Variants in ANKRD26 observed in about 807,000 individuals in gnomAD.
ANKRD26 encodes the protein ankyrin repeat domain-containing protein 26.
ANKRD26 carries 141 observed loss-of-function variants against 208.7 expected under a neutral mutation model. The ratio of observed to expected loss-of-function variants is 0.68; its 90% CI spans 0.59 to 0.78. ANKRD26 has a LOEUF of 0.78. Among genes scored for constraint, ANKRD26 ranks in the 30% least tolerant of loss-of-function variants. ANKRD26 has a pLI of 0.00. For synonymous variants in ANKRD26, 636 were observed against 660.4 expected (o/e 0.96, Z 0.57); for missense variants, 1,889 against 1,938.7 (o/e 0.97, Z 0.48).
At chr10:27,096,448 G>T (rs2056467234) in intron 1 of ANKRD26, among the ~76,000 whole-genome samples, 1 of 152,164 alleles carries the variant, frequency 6.6e-6, no homozygotes, top group Non-Finnish European at 1.5e-5. Context: ...AATTTGCATA[G>T]AAGTAAAATC....
In ANKRD26 at chr10:27,077,279, T is replaced by C. The variant is rs1439014467; in HGVS notation, c.1077+59A>G. On this transcript the variant is annotated intron_variant, in intron 9 of 33. Transcript: ENST00000376087. ...GATCATCTCAATAGATGCATCATTA[T>C]GAGGATTGTTGGGGCAGGGGAAGGG... 2.2e-5 allele frequency: 30 copies of C among 1,374,350 alleles called. No homozygotes were observed. In the Admixed American group the frequency reaches 4.9e-4, roughly 22 times the overall value. The allele number at this position is 1,374,350 out of a possible 1,614,324, so 85.1% of individuals were successfully genotyped here.
rs377530499 is a variant in ANKRD26, at chr10:27,048,859, T to C, written c.1756A>G (p.Lys586Glu). The stretch of plus-strand genomic sequence containing the variant: ...TGCTGATGATCAGTTTCTCCACTCT[T>C]TCTTTTTTGAATTAATCCATCATCA... ...DDDDGLIQKR[K>E]SGETDHQQFP... The change falls in exon 17 of 34, where the codon AAG becomes GAG. Residue 586 changes from lysine (K) to glutamate (E), a missense_variant. By Grantham distance (56) the Lys-to-Glu change is moderately conservative (BLOSUM62 1). This residue lies in a region of ANKRD26 where 1,272 missense variants were observed against 1,273.8 expected (regional missense o/e 1.00). Coordinates refer to ENST00000376087, the MANE Select transcript of ANKRD26 (RefSeq NM_014915.3). The C allele has an allele frequency of 7.4e-6, 12 of 1,613,300 alleles. No individual in the cohort carries two copies. In the African/African-American group the frequency reaches 1.6e-4, roughly 22 times the overall value.
the ANKRD26 span, among the ~76,000 whole-genome samples, chr10:26,961,221 A>G: frequency 3.9e-5 from 6 of 152,274 alleles, no homozygotes; most frequent in South Asian, 1.2e-3. Flanking sequence ...ATCTAAAAAA[A>G]AAAAAAAAAT....
intron 1 of ANKRD26, among the ~76,000 whole-genome samples, chr10:27,095,790 T>C (rs1311955711): frequency 6.6e-6 from 1 of 152,232 alleles, no homozygotes; most frequent in African/African-American, 2.4e-5. Flanking sequence ...GTTTTGAAGA[T>C]GGAAAGGTCC....
At chr10:26,998,922 G>A (rs374092911) in intron 4 of ANKRD26, among the ~76,000 whole-genome samples, 4 of 152,190 alleles carry the variant, frequency 2.6e-5, no homozygotes, top group East Asian at 1.9e-4. Context: ...GGTCCAGGAA[G>A]TTCAAAGAGG....
chr10:27,029,021 T>G (rs1291165335), intron 26 of ANKRD26, 76 bp from the exon 27 acceptor site: 10 of 1,211,636 alleles, frequency 8.3e-6, no homozygotes, highest in Non-Finnish European at 1.1e-5. Context: ...AGCAAACACC[T>G]GAAGGCATAA....
intron 17 of ANKRD26, 26 bp from the exon 18 acceptor site, chr10:27,046,549 A>G (rs2054453232): frequency 6.2e-7 from 1 of 1,608,236 alleles, no homozygotes; most frequent in African/African-American, 1.3e-5. Flanking sequence ...GGGAAATGAC[A>G]GTTACATAAG....
intron 25 of ANKRD26, among the ~76,000 whole-genome samples, chr10:27,032,543 G>A (rs2053901587): frequency 6.6e-6 from 1 of 151,982 alleles, no homozygotes; most frequent in Non-Finnish European, 1.5e-5. Flanking sequence ...GGCTGAGGCA[G>A]GAGAATTGCT....
At chr10:26,968,724 G>C in the ANKRD26 span, among the ~76,000 whole-genome samples, 4 of 152,308 alleles carry the variant, frequency 2.6e-5, no homozygotes, top group African/African-American at 9.6e-5. Context: ...AAAATACTTA[G>C]GGCAGCCTTA....
At chr10:27,014,848 G>T in intron 30 of ANKRD26, 137 bp from the exon 31 acceptor site, 1 of 687,514 alleles carries the variant, frequency 1.5e-6, no homozygotes. Flanking sequence ...AGCAGGCATT[G>T]GTCAAAGAGA....
At chr10:27,019,393 G>C (rs1043146207) in intron 29 of ANKRD26, among the ~76,000 whole-genome samples, 1 of 152,132 alleles carries the variant, frequency 6.6e-6, no homozygotes. Context: ...TGTAGAATGG[G>C]AGACACTATT....
chr10:27,067,991 C>T (rs1455773001), intron 9 of ANKRD26, among the ~76,000 whole-genome samples: 3 of 152,130 alleles, frequency 2.0e-5, no homozygotes, highest in African/African-American at 7.2e-5. Context: ...GTTCTACAAC[C>T]GAGGTGAATA....
chr10:27,037,441 A>C, intron 22 of ANKRD26, 118 bp from the exon 23 acceptor site: 2 of 1,085,882 alleles, frequency 1.8e-6, no homozygotes, highest in South Asian at 2.9e-5. Context: ...AAAATGCAAG[A>C]ACCTTTATTA....
At chr10:27,045,638 G>A (rs2054415230) in intron 18 of ANKRD26, among the ~76,000 whole-genome samples, 1 of 152,012 alleles carries the variant, frequency 6.6e-6, no homozygotes, top group Admixed American at 6.6e-5. Flanking sequence ...TGATCTTTTA[G>A]TCTTACAAAA....
intron 16 of ANKRD26, chr10:27,051,457 T>C: frequency 9.3e-7 from 1 of 1,073,014 alleles, no homozygotes; most frequent in South Asian, 2.7e-5. Context: ...GTATTTCGGT[T>C]CATATTTTTT....
chr10:26,956,367 T>C, the ANKRD26 span, among the ~76,000 whole-genome samples: 100 of 152,324 alleles, frequency 6.6e-4, no homozygotes, highest in African/African-American at 2.3e-3. Flanking sequence ...TTTTCCCAAA[T>C]AGCATAAACA....
intron 4 of ANKRD26, among the ~76,000 whole-genome samples, chr10:26,996,649 T>C (rs1377816559): frequency 1.3e-5 from 2 of 152,170 alleles, no homozygotes; most frequent in Non-Finnish European, 2.9e-5. Context: ...AATGAGATAA[T>C]CTTGTATGAT....
At chr10:27,016,467 T>C (rs1467949927) in intron 30 of ANKRD26, among the ~76,000 whole-genome samples, 2 of 152,036 alleles carry the variant, frequency 1.3e-5, no homozygotes, top group East Asian at 1.9e-4. Context: ...TTAGTAGATA[T>C]GGGTTTTCAC....
intron 14 of ANKRD26, 39 bp downstream of exon 14, chr10:27,060,473 G>A: frequency 1.3e-6 from 2 of 1,553,300 alleles, no homozygotes; most frequent in Non-Finnish European, 8.9e-7. Flanking sequence ...TATACAATAT[G>A]CACTTAATAA....
Sources: allele counts gnomAD v4.1 joint callset (sites outside exome capture counted in the v4.1 genomes callset), GRCh38; gene constraint gnomAD v4.1.1; regional missense constraint gnomAD v4.1.1; transcripts MANE v1.5; gene names NCBI Gene and HGNC (gene_info 2026-07-23, HGNC 2026-07-21).